Variants in PTK2 observed in about 807,000 individuals in gnomAD.
PTK2 encodes protein tyrosine kinase 2.
Under a neutral mutation model 150.1 loss-of-function variants are expected in PTK2, and 45 were observed. The observed-to-expected ratio is 0.30, with a 90% CI of 0.24 to 0.38. PTK2 has a LOEUF of 0.38. Among genes scored for constraint, PTK2 ranks in the 10% least tolerant of loss-of-function variants. PTK2 has a pLI of 1.00. For synonymous variants in PTK2, 432 were observed against 449.2 expected (o/e 0.96, Z 0.48); for missense variants, 919 against 1,307.3 (o/e 0.70, Z 4.58).
chr8:140,986,865 C>T (rs2100193445), intron 1 of PTK2, among the ~76,000 whole-genome samples: 1 of 152,082 alleles, frequency 6.6e-6, no homozygotes, highest in African/African-American at 2.4e-5. Context: ...AATCTTATAC[C>T]ATAAATGAAA....
At chr8:140,761,210 T>C (rs1382665050) in exon 16 of PTK2, 2 of 1,613,244 alleles carry the variant, frequency 1.2e-6, no homozygotes, top group African/African-American at 1.3e-5. Context: ...ATTGGCCTTC[T>C]CCAATACATC....
At chr8:140,707,681 A>C (rs528430447) in intron 23 of PTK2, among the ~76,000 whole-genome samples, 2 of 152,352 alleles carry the variant, frequency 1.3e-5, no homozygotes, top group African/African-American at 4.8e-5. Context: ...CTGGGACTAC[A>C]GGAGTGAACC....
intron 2 of PTK2, among the ~76,000 whole-genome samples, chr8:140,906,618 C>G (rs989405544): frequency 6.6e-6 from 1 of 151,952 alleles, no homozygotes; most frequent in Non-Finnish European, 1.5e-5. Flanking sequence ...AAAAGTGAAT[C>G]CCATGGAAGT....
intron 13 of PTK2, among the ~76,000 whole-genome samples, chr8:140,791,107 C>G (rs150061943): frequency 6.6e-6 from 1 of 152,306 alleles, no homozygotes; most frequent in East Asian, 1.9e-4. Context: ...TATCTGTTAA[C>G]ACTTGCAATG....
intron 2 of PTK2, among the ~76,000 whole-genome samples, chr8:140,897,152 G>A (rs559204216): frequency 6.6e-6 from 1 of 152,260 alleles, no homozygotes; most frequent in East Asian, 1.9e-4. Context: ...TATGTCGGGG[G>A]AGAAGCTAAA....
At chr8:140,861,265 C>T (rs2154605626) in intron 5 of PTK2, among the ~76,000 whole-genome samples, 2 of 152,282 alleles carry the variant, frequency 1.3e-5, no homozygotes, top group South Asian at 4.1e-4. Flanking sequence ...AGGGCGATTG[C>T]TTGAGCCCAG....
chr8:140,797,418 G>A (rs1235916745), intron 12 of PTK2, among the ~76,000 whole-genome samples: 1 of 152,112 alleles, frequency 6.6e-6, no homozygotes, highest in Non-Finnish European at 1.5e-5. Context: ...TTTTAATTAT[G>A]TAATTGTGTC....
intron 1 of PTK2, among the ~76,000 whole-genome samples, chr8:140,927,975 A>AAAAAAAAAAAAAAAAAAAAAATATATAT: frequency 2.1e-5 from 1 of 48,194 alleles, no homozygotes; most frequent in Non-Finnish European, 3.4e-5. Flanking sequence ...AAAAAAAAAA[A>AAAAAAAAAAAAAAAAAAAAAATATATAT]ATATATATAT....
At chr8:140,702,804 G>T (rs773892186) in intron 24 of PTK2, 97 bp from the exon 28 acceptor site, 138 of 1,357,798 alleles carry the variant, frequency 1.0e-4, no homozygotes, top group Admixed American at 3.2e-4. Context: ...AGAATATTGT[G>T]GTAGGCAGAA....
chr8:140,680,476 G>A (rs2100016354), intron 27 of PTK2, among the ~76,000 whole-genome samples: 3 of 151,934 alleles, frequency 2.0e-5, no homozygotes, highest in Admixed American at 6.6e-5. Context: ...GTGATCCACC[G>A]CTCCTGGCCA....
At chr8:140,913,580 G>A (rs1308403471) in intron 2 of PTK2, among the ~76,000 whole-genome samples, 2 of 152,140 alleles carry the variant, frequency 1.3e-5, no homozygotes, top group East Asian at 3.8e-4. Context: ...ACAGGTGTGA[G>A]CCACTGAGTC....
At chr8:140,822,290 C>CA (rs1439318336) in intron 8 of PTK2, 1 of 152,052 alleles carries the variant, frequency 6.6e-6, no homozygotes, top group Non-Finnish European at 1.5e-5. Context: ...TTCTGATCTT[C>CA]ATTCATGGCT....
rs557982485 is a variant in PTK2, at chr8:140,933,770, G to A, written c.-121-8021C>T. ...ATAAAGAGTGACTCCTGGTGGGTAT[G>A]GGGTTTTCTTTTGGGGTGAGGGAAA... On this transcript the variant is annotated intron_variant, in intron 1 of 31. Coordinates refer to ENST00000522684, the Ensembl canonical transcript of PTK2. Among the ~76,000 whole-genome samples, 11 of 152,246 alleles carry A rather than the reference G, an allele frequency of 7.2e-5. No individual in the cohort carries two copies. In the South Asian group the frequency reaches 2.1e-3, roughly 29 times the overall value.
At chr8:140,702,680 T>A (rs775134788) in exon 25 of PTK2, 11 of 1,613,902 alleles carry the variant, frequency 6.8e-6, no homozygotes, top group Non-Finnish European at 8.5e-7. Context: ...ATGGCTGTGA[T>A]TCCATGTGAA....
intron 7 of PTK2, among the ~76,000 whole-genome samples, chr8:140,840,407 T>A (rs147555644): frequency 1.3e-5 from 2 of 152,000 alleles, no homozygotes; most frequent in African/African-American, 4.8e-5. Context: ...ATAATAACTG[T>A]ATAAAATAAT....
chr8:140,792,798 T>G (rs908815914), intron 13 of PTK2, among the ~76,000 whole-genome samples: 63 of 152,374 alleles, frequency 4.1e-4, no homozygotes, highest in Middle Eastern at 3.4e-3. Context: ...CTGAAAGCAC[T>G]TACCACACAG....
intron 1 of PTK2, among the ~76,000 whole-genome samples, chr8:140,933,619 A>G (rs1569162180): frequency 6.6e-6 from 1 of 152,236 alleles, no homozygotes; most frequent in African/African-American, 2.4e-5. Context: ...AACCTTGAAA[A>G]CATTATGCCA....
chr8:140,762,461 C>T, intron 15 of PTK2, 73 bp from the exon 18 acceptor site: 1 of 718,152 alleles, frequency 1.4e-6, no homozygotes, highest in South Asian at 3.1e-5. Context: ...AGGTTAACAA[C>T]ACAAACTTGA....
intron 31 of PTK2, chr8:140,662,706 G>C (rs553100053): frequency 5.0e-6 from 3 of 596,252 alleles, no homozygotes; most frequent in South Asian, 3.9e-5. Context: ...TGTCCAGTTG[G>C]TCAACTGGAA....
Sources: gnomAD v4.1 joint callset for allele counts (sites outside exome capture counted in the v4.1 genomes callset) on GRCh38, gnomAD v4.1.1 for gene constraint, MANE v1.5 for transcripts, NCBI Gene and HGNC (gene_info 2026-07-23, HGNC 2026-07-21) for gene names.